CAMTA1: variants seen among roughly 807,000 people sequenced by gnomAD.
CAMTA1 encodes the protein calmodulin-binding transcription activator 1.
CAMTA1 carries 27 observed loss-of-function variants against 170.9 expected under a neutral mutation model. That is an observed-to-expected ratio of 0.16 (90% CI 0.12 to 0.22). The LOEUF (loss-of-function observed/expected upper bound fraction) is 0.22, where lower values mean the gene tolerates loss of function less well. Among genes scored for constraint, CAMTA1 ranks in the 10% least tolerant of loss-of-function variants. CAMTA1 has a pLI of 1.00. For synonymous variants in CAMTA1, 833 were observed against 891.5 expected, an observed-to-expected ratio of 0.93 and a Z score of 1.17; for missense variants, 1,619 against 2,217.2, an observed-to-expected ratio of 0.73 and a Z score of 5.42.
chr1:6,828,812 T>G (rs2148545779), intron 3 of CAMTA1, among the ~76,000 whole-genome samples: 2 of 152,230 alleles, frequency 1.3e-5, no homozygotes, highest in East Asian at 3.9e-4. Flanking sequence ...TTAGGAACTT[T>G]CATTCTATTG....
intron 3 of CAMTA1, among the ~76,000 whole-genome samples, chr1:7,082,263 C>A (rs1640113760): frequency 6.6e-6 from 1 of 152,064 alleles, no homozygotes; most frequent in African/African-American, 2.4e-5. Context: ...CATGGTGAAA[C>A]CCCATCTCTA....
chr1:6,849,109 AT>A (rs1659429025), intron 3 of CAMTA1, among the ~76,000 whole-genome samples: 1 of 152,142 alleles, frequency 6.6e-6, no homozygotes, highest in Non-Finnish European at 1.5e-5. Context: ...GCTCAAAATA[AT>A]TTTTATGCTA....
chr1:7,425,251 C>T (rs148093750), intron 5 of CAMTA1, among the ~76,000 whole-genome samples: 26 of 152,288 alleles, frequency 1.7e-4, no homozygotes, highest in Non-Finnish European at 2.8e-4. Flanking sequence ...GTGCACTGCC[C>T]AAAGCTCAGG....
chr1:7,194,911 T>C lies in CAMTA1; in HGVS notation c.303-54580T>C, dbSNP rs79713930. Among the ~76,000 whole-genome samples the C allele has an allele frequency of 4.1e-3, 628 of 152,356 alleles. 22 individuals carry two copies. The East Asian group carries it at 0.079, about 19-fold the overall frequency. ...TCTCCTTTGTCAATTTGAAGAGCTC[T>C]CTTTCTATTCCTAGCAGTTATCTAG... On this transcript the variant is annotated intron_variant, in intron 4 of 22. Coordinates refer to ENST00000303635, the MANE Select transcript of CAMTA1 (RefSeq NM_015215.4).
chr1:7,389,045 G>A (rs1225978416), intron 5 of CAMTA1, among the ~76,000 whole-genome samples: 1 of 152,238 alleles, frequency 6.6e-6, no homozygotes, highest in Non-Finnish European at 1.5e-5. Context: ...CACGGCGAGA[G>A]GGAGGGGGAG....
At chr1:7,374,993 G>T (rs2086736676) in intron 5 of CAMTA1, among the ~76,000 whole-genome samples, 1 of 152,134 alleles carries the variant, frequency 6.6e-6, no homozygotes, top group African/African-American at 2.4e-5. Context: ...GCTGGGTCCT[G>T]TTAAAGTAGC....
At chr1:7,487,505 C>T (rs1231537792) in intron 6 of CAMTA1, among the ~76,000 whole-genome samples, 2 of 152,222 alleles carry the variant, frequency 1.3e-5, no homozygotes, top group African/African-American at 2.4e-5. Context: ...AGTGTTTGGG[C>T]ACCTCTTGAG....
At chr1:7,344,848 T>A (rs564600020) in intron 5 of CAMTA1, among the ~76,000 whole-genome samples, 22 of 151,386 alleles carry the variant, frequency 1.5e-4, no homozygotes, top group Non-Finnish European at 2.8e-4. Flanking sequence ...CCTGGGTTCA[T>A]CCCATTCTCC....
intron 6 of CAMTA1, among the ~76,000 whole-genome samples, chr1:7,502,542 G>A (rs1387937211): frequency 6.6e-6 from 1 of 152,290 alleles, no homozygotes; most frequent in African/African-American, 2.4e-5. Flanking sequence ...GCCCTTGGAG[G>A]AAGGACTCCC....
chr1:7,756,418 A>G (rs1314168054), intron 22 of CAMTA1, among the ~76,000 whole-genome samples: 7 of 152,228 alleles, frequency 4.6e-5, no homozygotes, highest in African/African-American at 1.4e-4. Flanking sequence ...AGAAATTACA[A>G]TGAGTAATTT....
intron 5 of CAMTA1, among the ~76,000 whole-genome samples, chr1:7,383,239 G>A (rs924558379): frequency 6.6e-6 from 1 of 151,786 alleles, no homozygotes. Flanking sequence ...GGGCCAGGAC[G>A]GACATTGTTG....
chr1:6,962,368 G>GC (rs1690590779), intron 3 of CAMTA1, among the ~76,000 whole-genome samples: 1 of 44,350 alleles, frequency 2.3e-5, no homozygotes, highest in African/African-American at 8.3e-5. Context: ...ACCCCGCCCC[G>GC]CCCCTCCTCC....
At chr1:6,987,803 G>T (rs1451946537) in intron 3 of CAMTA1, among the ~76,000 whole-genome samples, 2 of 152,166 alleles carry the variant, frequency 1.3e-5, no homozygotes, top group African/African-American at 4.8e-5. Context: ...GGGAATCCAG[G>T]TTCCCCTTCT....
At chr1:7,324,757 A>C (rs1679030353) in intron 5 of CAMTA1, among the ~76,000 whole-genome samples, 1 of 150,770 alleles carries the variant, frequency 6.6e-6, no homozygotes, top group East Asian at 2.0e-4. Flanking sequence ...CAGTGACCCG[A>C]GATCGCGCCA....
At chr1:6,941,147 G>A (rs113659097) in intron 3 of CAMTA1, among the ~76,000 whole-genome samples, 6 of 152,186 alleles carry the variant, frequency 3.9e-5, no homozygotes, top group African/African-American at 7.2e-5. Context: ...TGTTTCCCTC[G>A]TCCTGTCTGC....
At chr1:7,182,750 G>T (rs1652467910) in intron 4 of CAMTA1, among the ~76,000 whole-genome samples, 2 of 152,066 alleles carry the variant, frequency 1.3e-5, no homozygotes, top group East Asian at 3.9e-4. Context: ...TTGAGGAAGG[G>T]GTACTTGATA....
At chr1:7,558,583 A>G (rs2094912952) in intron 6 of CAMTA1, among the ~76,000 whole-genome samples, 1 of 152,264 alleles carries the variant, frequency 6.6e-6, no homozygotes, top group Admixed American at 6.5e-5. Context: ...ACTAGGGCTG[A>G]TGGGCAGTGG....
chr1:6,842,827 G>C (rs909651233), intron 3 of CAMTA1, among the ~76,000 whole-genome samples: 2 of 152,146 alleles, frequency 1.3e-5, no homozygotes, highest in African/African-American at 2.4e-5. Context: ...GGGAGGCCAA[G>C]GCAGGAGAAT....
chr1:7,665,848 G>T lies in CAMTA1; in HGVS notation c.2652+649G>T, dbSNP rs1558088521. ...TGCTTTGCTTTTTTTTTGAAAAGGG[G>T]TCCCAGGGTTGCTTAAAAAAATTCA... On this transcript the variant is annotated intron_variant, in intron 9 of 22. Coordinates refer to ENST00000303635, the MANE Select transcript of CAMTA1 (RefSeq NM_015215.4). This position sits in a 1 kb window ranked among gnomAD's most constrained non-coding sequence, Gnocchi z 4.3. Among the ~76,000 whole-genome samples, 1 of 151,904 alleles carries T rather than the reference G, an allele frequency of 6.6e-6. No individual in the cohort carries two copies. Among genetic ancestry groups the T allele is most frequent in the Admixed American group, 6.6e-5 (1 of 15,252 alleles).
Sources: allele counts gnomAD v4.1 joint callset (sites outside exome capture counted in the v4.1 genomes callset), GRCh38; gene constraint gnomAD v4.1.1; non-coding constraint Gnocchi (gnomAD v3.1); transcripts MANE v1.5; gene names NCBI Gene and HGNC (gene_info 2026-07-23, HGNC 2026-07-21).